The following SLC9C1 variants were observed in gnomAD, a reference collection of about 807,000 sequenced individuals.
SLC9C1 encodes the protein solute carrier family 9 member C1, also known as sodium/hydrogen exchanger 10.
A neutral mutation model predicts 140.9 loss-of-function variants in SLC9C1; 97 were observed. The observed-to-expected ratio is 0.69, with a 90% CI of 0.58 to 0.82. The LOEUF is 0.82. Among genes scored for constraint, SLC9C1 ranks in the 40% least tolerant of loss-of-function variants. SLC9C1 has a pLI of 0.00. For synonymous variants in SLC9C1, 440 were observed against 442.6 expected, an observed-to-expected ratio of 0.99 and a Z score of 0.07; for missense variants, 1,340 against 1,389.3, an observed-to-expected ratio of 0.96 and a Z score of 0.56.
At chr3:112,270,294 T>C (rs2080036059) in intron 6 of SLC9C1, among the ~76,000 whole-genome samples, 1 of 152,228 alleles carries the variant, frequency 6.6e-6, no homozygotes, top group African/African-American at 2.4e-5. Context: ...AGAGTTCTAC[T>C]TTTAGTTTTT....
intron 20 of SLC9C1, among the ~76,000 whole-genome samples, chr3:112,195,282 T>C (rs1486591062): frequency 6.6e-6 from 1 of 152,144 alleles, no homozygotes; most frequent in African/African-American, 2.4e-5. Flanking sequence ...CATGGGTCTA[T>C]TTTGAGGTAT....
At chr3:112,207,103 G>C (rs1339897018) in intron 16 of SLC9C1, among the ~76,000 whole-genome samples, 1 of 152,052 alleles carries the variant, frequency 6.6e-6, no homozygotes, top group Admixed American at 6.6e-5. Flanking sequence ...TATTCGAAGG[G>C]AGAAAATAGT....
chr3:112,277,638 C>T, intron 5 of SLC9C1, 57 bp downstream of exon 5: 1 of 1,354,374 alleles, frequency 7.4e-7, no homozygotes, highest in Non-Finnish European at 9.7e-7. Flanking sequence ...TCTTAAAATA[C>T]AAGTTCATTA....
At chr3:112,188,399 T>C (rs1011318909) in intron 20 of SLC9C1, among the ~76,000 whole-genome samples, 10 of 132,670 alleles carry the variant, frequency 7.5e-5, no homozygotes, top group Non-Finnish European at 1.5e-4. Flanking sequence ...CCTCACCCCA[T>C]GACAGGCCCT....
chr3:112,229,047 T>C (rs2078753232), intron 13 of SLC9C1, among the ~76,000 whole-genome samples: 1 of 152,040 alleles, frequency 6.6e-6, no homozygotes, highest in South Asian at 2.1e-4. Flanking sequence ...CTAGAAGACA[T>C]TATGTTAAGT....
intron 20 of SLC9C1, among the ~76,000 whole-genome samples, chr3:112,183,015 G>A (rs747708607): frequency 6.6e-6 from 1 of 152,154 alleles, no homozygotes; most frequent in Non-Finnish European, 1.5e-5. Flanking sequence ...ACTGTTGATT[G>A]ACATTTAGAT....
In SLC9C1 at chr3:112,204,203, T is replaced by A. The variant is rs773091164; in HGVS notation, c.2172+15A>T. 3 of 1,454,468 alleles carry A rather than the reference T, an allele frequency of 2.1e-6. No individual in the cohort carries two copies. The highest frequency in any genetic ancestry group is 2.7e-6 in the Non-Finnish European group (3 of 1,106,812). The allele number at this position is 1,454,468 out of a possible 1,614,324, so 90.1% of individuals were successfully genotyped here. On this transcript the variant is annotated intron_variant, in intron 17 of 28. Transcript: ENST00000305815. Reference sequence around the variant, plus strand: ...CAGTAGGAATTAGAAATTGCACGATTTACTGGTTCTTTACCTTGAAAATGC... The same window carrying A: ...CAGTAGGAATTAGAAATTGCACGATATACTGGTTCTTTACCTTGAAAATGC...
intron 15 of SLC9C1, among the ~76,000 whole-genome samples, chr3:112,210,512 G>A (rs2078173215): frequency 6.6e-6 from 1 of 152,194 alleles, no homozygotes; most frequent in Non-Finnish European, 1.5e-5. Flanking sequence ...ACAGAAAACA[G>A]ACTGGTGCTT....
intron 10 of SLC9C1, among the ~76,000 whole-genome samples, chr3:112,248,183 C>G (rs1045081980): frequency 6.6e-6 from 1 of 152,186 alleles, no homozygotes; most frequent in Non-Finnish European, 1.5e-5. Context: ...AACTAAAGCC[C>G]TTAGTTCACT....
At chr3:112,260,701 G>A (rs1297449613) in intron 10 of SLC9C1, among the ~76,000 whole-genome samples, 3 of 152,034 alleles carry the variant, frequency 2.0e-5, no homozygotes, top group Non-Finnish European at 4.4e-5. Flanking sequence ...CTAAGACATG[G>A]TCTTTCTGGA....
rs757797995 is a variant in SLC9C1 at position 112,202,305 on chromosome 3, T to A, written c.2267A>T (p.Glu756Val). 6.2e-6 allele frequency: 10 copies of A among 1,611,582 alleles called. No individual in the cohort carries two copies. In the South Asian group the frequency reaches 1.1e-4, roughly 18 times the overall value. ...YGILKGYVQG[E>V]ADIMTIIDQI... ...ATCAATTATGGTCATTATGTCTGCT[T>A]CGCCTTGGACATAGCCTTTTAGTAT... The change falls in exon 18 of 29, where the codon GAA becomes GTA. Residue 756 changes from glutamate (E) to valine (V), a missense_variant. Transcript: ENST00000305815.
Position 112,182,226 on chromosome 3 carries a change from A to G in SLC9C1, c.2556T>C (p.Asp852=). 6.2e-7 allele frequency: 1 copy of G among 1,605,836 alleles called. No individual in the cohort carries two copies. Among genetic ancestry groups the G allele is most frequent in the Non-Finnish European group, 8.5e-7 (1 of 1,176,406 alleles). The change falls in exon 21 of 29, where the codon GAT becomes GAC. Residue 852 remains aspartate, a synonymous_variant. Coordinates refer to ENST00000305815, the MANE Select transcript of SLC9C1 (RefSeq NM_183061.3). ...LIMAKKKEVL[D]SQSIIRPLTV... is the part of the protein sequence containing the mutation. ...TAAGAGGCCTGATAATAGATTGAGA[A>G]TCAAGCACCTCTTTCTTTTTGGCCA...
chr3:112,247,821 T>C (rs2079332931), intron 10 of SLC9C1, among the ~76,000 whole-genome samples: 1 of 152,106 alleles, frequency 6.6e-6, no homozygotes, highest in African/African-American at 2.4e-5. Flanking sequence ...ACATACTGCA[T>C]ACATCTCACT....
intron 3 of SLC9C1, among the ~76,000 whole-genome samples, chr3:112,279,607 T>C (rs2080306318): frequency 6.6e-6 from 1 of 152,180 alleles, no homozygotes; most frequent in Non-Finnish European, 1.5e-5. Context: ...CTATGGCTTA[T>C]ATAGAAGATG....
chr3:112,244,409 A>G (rs895102406), intron 10 of SLC9C1, among the ~76,000 whole-genome samples: 3 of 152,160 alleles, frequency 2.0e-5, no homozygotes, highest in Non-Finnish European at 4.4e-5. Context: ...ATACACTTAT[A>G]CTTTATCAAT....
chr3:112,167,490 A>G (rs1431198856), intron 25 of SLC9C1, 143 bp from the exon 26 acceptor site: 11 of 772,230 alleles, frequency 1.4e-5, no homozygotes, highest in African/African-American at 1.8e-5. Context: ...TAAGATTAAT[A>G]TCTTAAAATA....
chr3:112,289,100 T>A (rs2080602421), intron 1 of SLC9C1, among the ~76,000 whole-genome samples: 1 of 152,154 alleles, frequency 6.6e-6, no homozygotes, highest in African/African-American at 2.4e-5. Context: ...CATTGCTCAA[T>A]TTTTAGTCTC....
intron 2 of SLC9C1, among the ~76,000 whole-genome samples, chr3:112,281,229 ATT>A (rs1322679426): frequency 3.9e-5 from 6 of 152,142 alleles, no homozygotes; most frequent in African/African-American, 1.4e-4. Flanking sequence ...CAACTGGTTC[ATT>A]TTCCTCCTGT....
chr3:112,266,952 A>G (rs910246226), intron 7 of SLC9C1, among the ~76,000 whole-genome samples: 2 of 152,200 alleles, frequency 1.3e-5, no homozygotes, highest in Non-Finnish European at 2.9e-5. Flanking sequence ...GTCTATTCTC[A>G]CACATTAATT....
Sources: gnomAD v4.1 joint callset for allele counts (sites outside exome capture counted in the v4.1 genomes callset) on GRCh38, gnomAD v4.1.1 for gene constraint, MANE v1.5 for transcripts, NCBI Gene and HGNC (gene_info 2026-07-23, HGNC 2026-07-21) for gene names.